The following CNKSR3 variants were observed in gnomAD, a reference collection of about 807,000 sequenced individuals.
CNKSR3 encodes the protein connector enhancer of kinase suppressor of ras 3.
A neutral mutation model predicts 67.7 loss-of-function variants in CNKSR3; 36 were observed. The observed-to-expected ratio is 0.53, with a 90% CI of 0.41 to 0.70. The LOEUF (loss-of-function observed/expected upper bound fraction) is 0.70, where lower values mean the gene tolerates loss of function less well. CNKSR3 is among the 30% of genes least tolerant of loss of function. The pLI, the probability that CNKSR3 is intolerant of heterozygous loss-of-function variation, is 0.00. For missense variants in CNKSR3, 630 were observed against 695.2 expected (o/e 0.91, Z 1.05); for synonymous variants, 281 against 271.4 (o/e 1.04, Z -0.35).
At chr6:154,409,744 T>C (rs1330070324) in intron 12 of CNKSR3, among the ~76,000 whole-genome samples, 1 of 151,984 alleles carries the variant, frequency 6.6e-6, no homozygotes, top group African/African-American at 2.4e-5. Context: ...TTTCTATTCA[T>C]TAAAAAATTA....
intron 1 of CNKSR3, among the ~76,000 whole-genome samples, chr6:154,491,670 C>T (rs1207639892): frequency 6.7e-6 from 1 of 148,996 alleles, no homozygotes; most frequent in East Asian, 1.9e-4. Context: ...ATTTCCAAAA[C>T]AATGTGAAAA....
rs530342024 is a variant in CNKSR3 at position 154,509,456 on chromosome 6, G to A, written c.52+607C>T. On this transcript the variant is annotated intron_variant, in intron 1 of 12. Coordinates refer to ENST00000607772, the MANE Select transcript of CNKSR3 (RefSeq NM_173515.4). ...ACCGGGGATACTGGCGCCTCCCGGA[G>A]CAAAAGTCACTGCCTCCCGGGGAGT... Among the ~76,000 whole-genome samples, 153 of 152,322 alleles carry A rather than the reference G, an allele frequency of 1.0e-3. 1 individual carries two copies. Among genetic ancestry groups the A allele is most frequent in the African/African-American group, 3.5e-3 (144 of 41,566 alleles).
In CNKSR3 at chr6:154,427,208, A is replaced by C. The variant is rs545434614; in HGVS notation, c.729+920T>G. On this transcript the variant is annotated intron_variant, in intron 7 of 12. Coordinates refer to ENST00000607772, the MANE Select transcript of CNKSR3 (RefSeq NM_173515.4). Reference sequence around the variant, plus strand: ...GTATCATTTTCTCACTACAAACATCAAGTGCTTATCACAGACACTCAAAGA... The same window carrying C: ...GTATCATTTTCTCACTACAAACATCCAGTGCTTATCACAGACACTCAAAGA... 6.6e-5 allele frequency among the ~76,000 whole-genome samples: 10 copies of C among 152,284 alleles called. No individual in the cohort carries two copies. The South Asian group carries it at 2.1e-3, about 32-fold the overall frequency.
At chr6:154,501,516 T>G (rs796683655) in intron 1 of CNKSR3, among the ~76,000 whole-genome samples, 3 of 152,106 alleles carry the variant, frequency 2.0e-5, no homozygotes, top group African/African-American at 4.8e-5. Flanking sequence ...AACTTCCTTT[T>G]CTCAAACTCT....
chr6:154,499,249 T>C (rs947627541), intron 1 of CNKSR3, among the ~76,000 whole-genome samples: 5 of 152,212 alleles, frequency 3.3e-5, no homozygotes, highest in South Asian at 2.1e-4. Flanking sequence ...TAATCAGTTA[T>C]TATGTATTAG....
In CNKSR3 at chr6:154,502,741, T is replaced by G. The variant is rs552588393; in HGVS notation, c.52+7322A>C. On this transcript the variant is annotated intron_variant, in intron 1 of 12. Coordinates refer to ENST00000607772, the MANE Select transcript of CNKSR3 (RefSeq NM_173515.4). ...AATGAGAACAAATGCAGAAGTGCCC[T>G]CAGAGCTCATGAAAATAACATCTGA... 2.2e-4 allele frequency among the ~76,000 whole-genome samples: 34 copies of G among 152,320 alleles called. No individual in the cohort carries two copies. The East Asian group carries it at 6.2e-3, about 28-fold the overall frequency.
At position 154,460,509 on chromosome 6, in the gene CNKSR3, C is replaced by T. The variant is rs576757964; in HGVS notation, c.53-10251G>A. Among the ~76,000 whole-genome samples, 3 of 152,314 alleles carry T rather than the reference C, an allele frequency of 2.0e-5. No homozygotes were observed. In the South Asian group the frequency reaches 6.2e-4, roughly 32 times the overall value. On this transcript the variant is annotated intron_variant, in intron 1 of 12. Coordinates refer to ENST00000607772, the MANE Select transcript of CNKSR3 (RefSeq NM_173515.4). The stretch of plus-strand genomic sequence containing the variant: ...GGATGAACACAAAACCTACGCAATA[C>T]TCTGGTAAACATGTACTTTCCAAGG...
chr6:154,504,775 C>T (rs533421132), intron 1 of CNKSR3, among the ~76,000 whole-genome samples: 5 of 151,664 alleles, frequency 3.3e-5, no homozygotes, highest in East Asian at 2.0e-4. Flanking sequence ...TCTGGGAGGC[C>T]GAGGTGGGAG....
At chr6:154,425,115 GCTC>G (rs1584069522) in intron 7 of CNKSR3, among the ~76,000 whole-genome samples, 1 of 152,120 alleles carries the variant, frequency 6.6e-6, no homozygotes, top group East Asian at 1.9e-4. Context: ...ATTTATCTAT[GCTC>G]CTTTTTGTCC....
intron 1 of CNKSR3, among the ~76,000 whole-genome samples, chr6:154,469,207 T>A (rs1167957382): frequency 6.6e-6 from 1 of 152,208 alleles, no homozygotes; most frequent in East Asian, 1.9e-4. Context: ...AACTTTCTCA[T>A]CTTCAACCCC....
chr6:154,477,331 T>C (rs966687776), intron 1 of CNKSR3, among the ~76,000 whole-genome samples: 7 of 152,010 alleles, frequency 4.6e-5, no homozygotes, highest in Admixed American at 4.6e-4. Flanking sequence ...TATTTATTTA[T>C]TTATTTTTGA....
intron 2 of CNKSR3, among the ~76,000 whole-genome samples, chr6:154,448,616 G>A (rs999021007): frequency 1.3e-5 from 2 of 152,012 alleles, no homozygotes; most frequent in African/African-American, 4.8e-5. Flanking sequence ...GCAGAGCCAG[G>A]ATTAGAATGC....
chr6:154,457,623 C>T (rs1785986655), intron 1 of CNKSR3, among the ~76,000 whole-genome samples: 1 of 152,150 alleles, frequency 6.6e-6, no homozygotes, highest in Non-Finnish European at 1.5e-5. Context: ...GCATTCTGTT[C>T]TGTCATTTGT....
chr6:154,417,828 C>T (rs1386124186), intron 9 of CNKSR3, among the ~76,000 whole-genome samples: 6 of 152,120 alleles, frequency 3.9e-5, no homozygotes, highest in African/African-American at 1.4e-4. Context: ...GACTCCTTGA[C>T]TTTGAACTTC....
At position 154,510,124 on chromosome 6, in the gene CNKSR3, C is replaced by T; in HGVS notation, c.-10G>A. On this transcript the variant is annotated 5_prime_UTR_variant, in exon 1 of 13. Coordinates refer to ENST00000607772, the MANE Select transcript of CNKSR3 (RefSeq NM_173515.4). Reference sequence around the variant, plus strand: ...TGGTCACGGGTTCCATGGTAAACCGCTTCGCCTCTCGCTGGGCTGGAGAGT... The same window carrying T: ...TGGTCACGGGTTCCATGGTAAACCGTTTCGCCTCTCGCTGGGCTGGAGAGT... The T allele has an allele frequency of 6.2e-7, 1 of 1,614,144 alleles. No individual in the cohort carries two copies. The highest frequency in any genetic ancestry group is 8.5e-7 in the Non-Finnish European group (1 of 1,179,994).
At chr6:154,417,497 G>A (rs1051577123) in intron 9 of CNKSR3, among the ~76,000 whole-genome samples, 11 of 152,160 alleles carry the variant, frequency 7.2e-5, no homozygotes, top group African/African-American at 2.7e-4. Flanking sequence ...ACATCGCCCT[G>A]TAGCTACCCT....
chr6:154,485,349 T>C (rs1294587515), intron 1 of CNKSR3, among the ~76,000 whole-genome samples: 1 of 152,206 alleles, frequency 6.6e-6, no homozygotes, highest in Non-Finnish European at 1.5e-5. Context: ...GGGGCTTCTT[T>C]GGCGCATACA....
At position 154,410,269 on chromosome 6, in the gene CNKSR3, A is replaced by ACAGAGGTGAAAC. The variant is rs1292181687; in HGVS notation, c.1369+62_1369+73dup. 4 of 1,002,022 alleles carry ACAGAGGTGAAAC rather than the reference A, an allele frequency of 4.0e-6. No individual in the cohort carries two copies. In the African/African-American group the frequency reaches 6.4e-5, roughly 16 times the overall value. The allele number at this position is 1,002,022 out of a possible 1,614,324, so 62.1% of individuals were successfully genotyped here. ...TCTACTTATTATAACACATTTAGAA[A>ACAGAGGTGAAAC]CAGAGGTGAAACCAGGCCCTGGGGC... On this transcript the variant is annotated intron_variant, in intron 12 of 12. Coordinates refer to ENST00000607772, the MANE Select transcript of CNKSR3 (RefSeq NM_173515.4).
At chr6:154,503,129 CAAT>C (rs1787031542) in intron 1 of CNKSR3, among the ~76,000 whole-genome samples, 1 of 152,130 alleles carries the variant, frequency 6.6e-6, no homozygotes, top group South Asian at 2.1e-4. Context: ...TTCCCATCAA[CAAT>C]AAAATCTCCA....
Sources: allele counts gnomAD v4.1 joint callset (sites outside exome capture counted in the v4.1 genomes callset), GRCh38; gene constraint gnomAD v4.1.1; transcripts MANE v1.5; gene names NCBI Gene and HGNC (gene_info 2026-07-23, HGNC 2026-07-21).